Variants in SLC9D1 observed in about 807,000 individuals in gnomAD.
The protein encoded by SLC9D1 is solute carrier family 9 member D1.
the SLC9D1 span, chr13:113,534,325 A>G: frequency 3.6e-6 from 4 of 1,119,720 alleles, no homozygotes; most frequent in Non-Finnish European, 5.3e-6. Context: ...TTACCTTTCC[A>G]TTTTAATAAT....
the SLC9D1 span, chr13:113,498,711 T>C: frequency 4.0e-6 from 2 of 498,066 alleles, no homozygotes; most frequent in Non-Finnish European, 3.4e-6. Context: ...ATTTTCCTTT[T>C]ATATTTTTAA....
At chr13:113,511,963 G>A in the SLC9D1 span, 1 of 150,978 alleles carries the variant, frequency 6.6e-6, no homozygotes, top group Non-Finnish European at 1.5e-5. Context: ...TGGAGAGGCA[G>A]AGGGCCGGAG....
chr13:113,541,435 G>C, the SLC9D1 span, among the ~76,000 whole-genome samples: 4 of 143,820 alleles, frequency 2.8e-5, no homozygotes, highest in African/African-American at 1.1e-4. Context: ...TAATACCGCC[G>C]AGATATGTGG....
the SLC9D1 span, among the ~76,000 whole-genome samples, chr13:113,541,687 G>A: frequency 2.4e-4 from 22 of 92,666 alleles, no homozygotes; most frequent in African/African-American, 5.9e-4. Context: ...ATACGCACAC[G>A]ATCGCTGATC....
the SLC9D1 span, chr13:113,549,377 G>A: frequency 6.2e-7 from 1 of 1,601,238 alleles, no homozygotes; most frequent in South Asian, 1.1e-5. Context: ...TGTTGCAGGT[G>A]CTAGTCCTGA....
At chr13:113,522,241 C>G in the SLC9D1 span, among the ~76,000 whole-genome samples, 16 of 152,322 alleles carry the variant, frequency 1.1e-4, no homozygotes, top group Non-Finnish European at 1.9e-4. Context: ...CCCATCTATT[C>G]CTAGTTTGCT....
At chr13:113,503,365 G>T in the SLC9D1 span, 14 of 614,314 alleles carry the variant, frequency 2.3e-5, no homozygotes, top group Non-Finnish European at 3.8e-5. Context: ...GTGTGTGTGT[G>T]TGTGTGTGTG....
the SLC9D1 span, among the ~76,000 whole-genome samples, chr13:113,522,949 C>T: frequency 6.6e-5 from 10 of 152,292 alleles, no homozygotes; most frequent in Admixed American, 5.2e-4. Flanking sequence ...AGCTAGTTGA[C>T]ATGATGGATA....
the SLC9D1 span, among the ~76,000 whole-genome samples, chr13:113,532,156 G>A: frequency 6.6e-6 from 1 of 152,232 alleles, no homozygotes; most frequent in Non-Finnish European, 1.5e-5. Context: ...AGCAGAGGAC[G>A]TTCCCCATGT....
At chr13:113,520,528 A>C in the SLC9D1 span, 13 of 780,194 alleles carry the variant, frequency 1.7e-5, no homozygotes, top group Non-Finnish European at 2.6e-5. Flanking sequence ...AATTTGAGTT[A>C]TTTTGGAAGT....
At chr13:113,524,090 T>C in the SLC9D1 span, 2 of 455,834 alleles carry the variant, frequency 4.4e-6, no homozygotes, top group Non-Finnish European at 4.4e-6. Flanking sequence ...TGTATTCTGT[T>C]ATTGTTGAGT....
the SLC9D1 span, chr13:113,504,519 A>C: frequency 6.6e-6 from 1 of 152,206 alleles, no homozygotes; most frequent in Non-Finnish European, 1.5e-5. Context: ...CGCAGAGTCC[A>C]GTGTGTCATT....
the SLC9D1 span, among the ~76,000 whole-genome samples, chr13:113,522,627 A>G: frequency 6.6e-6 from 1 of 151,988 alleles, no homozygotes; most frequent in African/African-American, 2.4e-5. Context: ...GGCGTGAGCA[A>G]CCGCGCCCGG....
the SLC9D1 span, among the ~76,000 whole-genome samples, chr13:113,544,741 G>A: frequency 6.6e-5 from 10 of 152,294 alleles, no homozygotes; most frequent in Middle Eastern, 3.4e-3. Context: ...CATGGCCTGC[G>A]CGGAGAGATT....
At chr13:113,549,774 C>T in the SLC9D1 span, 59 of 691,824 alleles carry the variant, frequency 8.5e-5, no homozygotes, top group South Asian at 8.3e-4. Flanking sequence ...CGGGACACTG[C>T]GTTTTACCGA....
At chr13:113,525,857 A>G in the SLC9D1 span, among the ~76,000 whole-genome samples, 4,350 of 108,342 alleles carry the variant, frequency 0.04, 496 homozygotes, top group Middle Eastern at 0.11. Flanking sequence ...AGAACAAGCC[A>G]TCGTCGTCGT....
At chr13:113,539,576 A>G in the SLC9D1 span, 1 of 1,484,666 alleles carries the variant, frequency 6.7e-7, no homozygotes, top group African/African-American at 1.4e-5. The surrounding 1 kb of genome is among the most constrained non-coding windows in gnomAD (Gnocchi z 4.8). Context: ...TAATATGTTT[A>G]CGTGCATATA....
At chr13:113,525,350 G>T in the SLC9D1 span, among the ~76,000 whole-genome samples, 4 of 152,170 alleles carry the variant, frequency 2.6e-5, no homozygotes, top group African/African-American at 4.8e-5. Flanking sequence ...CAAACCTGCT[G>T]CACTGCCAAT....
chr13:113,538,850 C>T, the SLC9D1 span, among the ~76,000 whole-genome samples: 2 of 152,220 alleles, frequency 1.3e-5, no homozygotes, highest in Non-Finnish European at 2.9e-5. Flanking sequence ...CGCGGCCGTC[C>T]GGCCGGCGCG....
Sources: allele counts gnomAD v4.1 joint callset (sites outside exome capture counted in the v4.1 genomes callset), GRCh38; gene constraint gnomAD v4.1.1; non-coding constraint Gnocchi (gnomAD v3.1); transcripts MANE v1.5; gene names NCBI Gene and HGNC (gene_info 2026-07-23, HGNC 2026-07-21).